The following SAMSN1 variants were observed in gnomAD, a reference collection of about 807,000 sequenced individuals.
The protein encoded by SAMSN1 is SAM domain-containing protein SAMSN-1.
In SAMSN1, 31 loss-of-function variants were observed where a neutral mutation model predicts 42.0. That is an observed-to-expected ratio of 0.74 (90% CI 0.55 to 1.00). SAMSN1 has a LOEUF of 1.00. Among genes scored for constraint, SAMSN1 ranks in the 50% least tolerant of loss-of-function variants. The probability of loss-of-function intolerance (pLI) is 0.00; values close to 1 mark genes in which losing one functional copy is unlikely to be tolerated. For missense variants in SAMSN1, 464 were observed against 439.4 expected, an observed-to-expected ratio of 1.06 and a Z score of -0.50; for synonymous variants, 178 against 151.9, an observed-to-expected ratio of 1.17 and a Z score of -1.26.
chr21:14,510,563 C>A, intron 4 of SAMSN1, 102 bp from the exon 5 acceptor site: 1 of 1,346,154 alleles, frequency 7.4e-7, no homozygotes, highest in South Asian at 1.3e-5. Flanking sequence ...CACTGGATGC[C>A]AGGCTCCTGA....
chr21:14,585,484 A>G (rs1312918579), upstream of SAMSN1: 1 of 152,212 alleles, frequency 6.6e-6, no homozygotes, highest in Non-Finnish European at 1.5e-5. Flanking sequence ...GGAACTTTGT[A>G]TAAATGATTT....
chr21:14,624,889 G>C (rs1409494488), intron 2 of SAMSN1, among the ~76,000 whole-genome samples: 1 of 152,094 alleles, frequency 6.6e-6, no homozygotes, highest in African/African-American at 2.4e-5. Context: ...TAAAATAGTG[G>C]CAAACCGAAT....
At chr21:14,557,112 G>T (rs1025811970) in intron 2 of SAMSN1, among the ~76,000 whole-genome samples, 6 of 152,156 alleles carry the variant, frequency 3.9e-5, no homozygotes, top group South Asian at 2.1e-4. Context: ...TGCTGAGCAG[G>T]CCTGGCAGAA....
At chr21:14,620,840 G>T (rs77124063) in intron 2 of SAMSN1, among the ~76,000 whole-genome samples, 1,580 of 152,190 alleles carry the variant, frequency 0.01, 57 homozygotes, top group East Asian at 0.093. Flanking sequence ...GAAGTGAATT[G>T]AACATGGGTA....
chr21:14,646,077 A>G (rs1336328961), intron 1 of SAMSN1, among the ~76,000 whole-genome samples: 1 of 152,250 alleles, frequency 6.6e-6, no homozygotes, highest in Non-Finnish European at 1.5e-5. Flanking sequence ...ACGTAGATAA[A>G]GAGATAGGGA....
chr21:14,624,396 G>A (rs1983105957), intron 2 of SAMSN1, among the ~76,000 whole-genome samples: 2 of 151,882 alleles, frequency 1.3e-5, no homozygotes, highest in South Asian at 4.2e-4. Flanking sequence ...TAATAAAGAA[G>A]AAAAGAGAGA....
rs567669845 is a variant in SAMSN1, at chr21:14,520,400, G to A, written c.129+750C>T. ...ATCAAATAATGTGTATAAATACAAT[G>A]TATGTGTATGTGTACATATATGTAT... is the stretch of plus-strand genomic sequence containing the variant. On this transcript the variant is annotated intron_variant, in intron 2 of 7. Transcript: ENST00000400566. Among the ~76,000 whole-genome samples, 3 of 152,234 alleles carry A rather than the reference G, an allele frequency of 2.0e-5. No homozygotes were observed. The South Asian group carries it at 6.2e-4, about 32-fold the overall frequency.
chr21:14,509,014 G>A (rs1328964690), intron 5 of SAMSN1, among the ~76,000 whole-genome samples: 1 of 152,080 alleles, frequency 6.6e-6, no homozygotes, highest in Non-Finnish European at 1.5e-5. Flanking sequence ...TAGTCGGGAG[G>A]CTGAGGGAGG....
chr21:14,569,991 C>CA (rs1432348149), intron 2 of SAMSN1, among the ~76,000 whole-genome samples: 4 of 151,876 alleles, frequency 2.6e-5, no homozygotes, highest in African/African-American at 9.7e-5. Flanking sequence ...CTTTCCCCCC[C>CA]CCCAGTTTTT....
At chr21:14,553,850 C>A (rs1980675292) in intron 2 of SAMSN1, among the ~76,000 whole-genome samples, 1 of 151,858 alleles carries the variant, frequency 6.6e-6, no homozygotes, top group African/African-American at 2.4e-5. Flanking sequence ...TTCTTCGAAT[C>A]TTTGGTATAT....
rs190318584 is a variant in SAMSN1, at chr21:14,518,879, A to C, written c.130-1838T>G. Reference sequence around the variant, plus strand: ...TTAGCCTTTTTCTTCTCTCTACTTAAACTTTCTCTGTCTTCATTATAAAAT... The same window carrying C: ...TTAGCCTTTTTCTTCTCTCTACTTACACTTTCTCTGTCTTCATTATAAAAT... On this transcript the variant is annotated intron_variant, in intron 2 of 7. Transcript: ENST00000400566. 1.0e-3 allele frequency among the ~76,000 whole-genome samples: 158 copies of C among 152,246 alleles called. 2 individuals carry two copies. Among genetic ancestry groups the C allele is most frequent in the Middle Eastern group, 3.4e-3 (1 of 294 alleles).
intron 1 of SAMSN1, among the ~76,000 whole-genome samples, chr21:14,522,070 A>G (rs1452197702): frequency 6.6e-6 from 1 of 152,200 alleles, no homozygotes; most frequent in Non-Finnish European, 1.5e-5. Flanking sequence ...ATTTTTCCAC[A>G]TTTAACATAG....
chr21:14,560,052 G>GA (rs1252939008), intron 2 of SAMSN1, among the ~76,000 whole-genome samples: 9 of 152,144 alleles, frequency 5.9e-5, no homozygotes, highest in Non-Finnish European at 1.3e-4. Context: ...AGTTCAGTGG[G>GA]AAGACAGGCA....
chr21:14,533,183 T>C (rs528719056), intron 1 of SAMSN1, among the ~76,000 whole-genome samples: 1 of 152,198 alleles, frequency 6.6e-6, no homozygotes, highest in South Asian at 2.1e-4. Context: ...TCCCAAAGCA[T>C]TGGGATTACA....
At chr21:14,566,309 G>A (rs1481842970) in intron 2 of SAMSN1, among the ~76,000 whole-genome samples, 1 of 152,076 alleles carries the variant, frequency 6.6e-6, no homozygotes, top group Non-Finnish European at 1.5e-5. Context: ...ATTTCAAAAA[G>A]CCTTTTAACA....
chr21:14,489,242 T>C (rs1279302299), intron 7 of SAMSN1, among the ~76,000 whole-genome samples: 1 of 152,146 alleles, frequency 6.6e-6, no homozygotes, highest in Non-Finnish European at 1.5e-5. Context: ...AGTAACACAT[T>C]GGAATAAGAA....
intron 3 of SAMSN1, 116 bp from the exon 4 acceptor site, chr21:14,512,689 A>C: frequency 1.0e-6 from 1 of 952,378 alleles, no homozygotes; most frequent in Non-Finnish European, 1.6e-6. Context: ...AGGATACATA[A>C]GGATAAAATA....
intron 1 of SAMSN1, among the ~76,000 whole-genome samples, chr21:14,541,918 A>G (rs188304961): frequency 1.2e-3 from 184 of 151,554 alleles, no homozygotes; most frequent in Non-Finnish European, 2.0e-3. Flanking sequence ...ACATAAGCTC[A>G]GGCATGCTGA....
chr21:14,486,066 T>A lies in SAMSN1; in HGVS notation c.968A>T (p.Asp323Val). Residue 323 changes from aspartate to valine, a missense_variant, in exon 8 of 8, where the codon GAC becomes GTC. Coordinates refer to ENST00000400566, the MANE Select transcript of SAMSN1 (RefSeq NM_022136.5). ...NEPEPLSLSSDISLNKSQLDD... is the reference protein window; with the variant it reads ...NEPEPLSLSSVISLNKSQLDD... Reference sequence around the variant, plus strand: ...TAACTGTGACTTATTTAAGGAGATGTCTGAGCTCAAGGATAGGGGCTCAGG... The same window carrying A: ...TAACTGTGACTTATTTAAGGAGATGACTGAGCTCAAGGATAGGGGCTCAGG... The A allele has an allele frequency of 1.2e-6, 2 of 1,613,724 alleles. No homozygotes were observed. Among genetic ancestry groups the A allele is most frequent in the Middle Eastern group, 1.7e-4 (1 of 6,056 alleles).
Sources: allele counts gnomAD v4.1 joint callset (sites outside exome capture counted in the v4.1 genomes callset), GRCh38; gene constraint gnomAD v4.1.1; transcripts MANE v1.5; gene names NCBI Gene and HGNC (gene_info 2026-07-23, HGNC 2026-07-21).